Variants in MYO10 observed in about 807,000 individuals in gnomAD.
The protein encoded by MYO10 is unconventional myosin-X.
A neutral mutation model predicts 257.3 loss-of-function variants in MYO10; 133 were observed. That is an observed-to-expected ratio of 0.52 (90% CI 0.45 to 0.60). The LOEUF is 0.60. MYO10 is among the 20% of genes least tolerant of loss of function. The pLI, the probability that MYO10 is intolerant of heterozygous loss-of-function variation, is 0.00. For missense variants in MYO10, 2,399 were observed against 2,635.7 expected (o/e 0.91, Z 1.97); for synonymous variants, 1,104 against 1,028.6 (o/e 1.07, Z -1.40).
At chr5:16,765,119 T>C (rs947211271) in intron 11 of MYO10, among the ~76,000 whole-genome samples, 1 of 152,172 alleles carries the variant, frequency 6.6e-6, no homozygotes, top group Non-Finnish European at 1.5e-5. Flanking sequence ...AAAAACATAT[T>C]AGAGGAGTGT....
At chr5:16,831,970 T>C (rs1743176192) in intron 2 of MYO10, among the ~76,000 whole-genome samples, 2 of 152,130 alleles carry the variant, frequency 1.3e-5, no homozygotes, top group South Asian at 2.1e-4. Context: ...TTGAGACAGG[T>C]CTCACTTTGT....
chr5:16,850,902 A>G (rs954860592), intron 2 of MYO10, among the ~76,000 whole-genome samples: 2 of 151,980 alleles, frequency 1.3e-5, no homozygotes, highest in African/African-American at 4.8e-5. Context: ...CCCGGGTTCA[A>G]GCAATTCTCC....
Position 16,673,734 on chromosome 5 carries a change from T to A in MYO10, c.5120A>T (p.His1707Leu). The A allele has an allele frequency of 1.2e-6, 2 of 1,613,952 alleles. No homozygotes were observed. The highest frequency in any genetic ancestry group is 1.7e-6 in the Non-Finnish European group (2 of 1,179,896). The change falls in exon 36 of 41, where the codon CAT becomes CTT. Residue 1707 changes from histidine to leucine, a missense_variant. Around this residue, in one of 3 missense-constraint regions of MYO10, gnomAD observed 1,820 missense variants for 1,939.4 expected, o/e 0.94. Coordinates refer to ENST00000513610, the MANE Select transcript of MYO10 (RefSeq NM_012334.3). ...RQEMTSTVYCHGGGSCKITIN... is the reference protein window; with the variant it reads ...RQEMTSTVYCLGGGSCKITIN... Reference sequence around the variant, plus strand: ...GGTGATCTTGCAGGAGCCGCCGCCATGGCAATAGACCGTGGATGTCATTTC... The same window carrying A: ...GGTGATCTTGCAGGAGCCGCCGCCAAGGCAATAGACCGTGGATGTCATTTC...
chr5:16,693,843 C>T (rs1169881339), intron 27 of MYO10, among the ~76,000 whole-genome samples: 2 of 152,118 alleles, frequency 1.3e-5, no homozygotes, highest in Non-Finnish European at 2.9e-5. Flanking sequence ...AAGGGTGTGG[C>T]AGAAAAGGGG....
intron 2 of MYO10, among the ~76,000 whole-genome samples, chr5:16,876,965 C>T (rs1401443783): frequency 6.6e-6 from 1 of 152,138 alleles, no homozygotes; most frequent in African/African-American, 2.4e-5. Context: ...GTGCAGCCTT[C>T]ATGAATGGGA....
At chr5:16,790,930 T>C (rs1028077702) in intron 4 of MYO10, among the ~76,000 whole-genome samples, 3 of 147,236 alleles carry the variant, frequency 2.0e-5, no homozygotes, top group Admixed American at 6.8e-5. Context: ...CACACACACA[T>C]ATATTCAAAA....
chr5:16,844,272 G>A (rs953408436), intron 2 of MYO10, among the ~76,000 whole-genome samples: 10 of 151,646 alleles, frequency 6.6e-5, no homozygotes, highest in African/African-American at 1.7e-4. Context: ...ATTCAGGATC[G>A]GACTCTGAGG....
chr5:16,770,036 G>A (rs1206138273), intron 9 of MYO10, among the ~76,000 whole-genome samples: 1 of 152,120 alleles, frequency 6.6e-6, no homozygotes, highest in East Asian at 1.9e-4. Flanking sequence ...CCAAAGTGCT[G>A]GGATTACAGG....
chr5:16,666,423 T>G lies in MYO10; in HGVS notation c.*269A>C. 1 of 386,224 alleles carries G rather than the reference T, an allele frequency of 2.6e-6. No individual in the cohort carries two copies. The highest frequency in any genetic ancestry group is 4.1e-5 in the East Asian group (1 of 24,398). 23.9% of individuals were successfully genotyped at this position (386,224 alleles called of 1,614,324 possible). A position where few individuals can be genotyped will look rare whatever the true frequency, so the allele number is the denominator to read the frequency against. ...ACTTCCGGCTGCTTTGGTGGCAGCG[T>G]GGTTCCTCCCCTCCTTTTTTAAGGC... On this transcript the variant is annotated 3_prime_UTR_variant, in exon 41 of 41. Coordinates refer to ENST00000513610, the MANE Select transcript of MYO10 (RefSeq NM_012334.3).
intron 17 of MYO10, among the ~76,000 whole-genome samples, chr5:16,759,786 C>A (rs1740649400): frequency 6.6e-6 from 1 of 152,062 alleles, no homozygotes; most frequent in African/African-American, 2.4e-5. Context: ...TTTTTAAACA[C>A]CCATCATTTT....
At chr5:16,759,339 C>G (rs1007888753) in intron 17 of MYO10, among the ~76,000 whole-genome samples, 1 of 152,168 alleles carries the variant, frequency 6.6e-6, no homozygotes, top group Non-Finnish European at 1.5e-5. Context: ...GAGCATCTGC[C>G]TCCCCACAAG....
At chr5:16,769,747 G>A (rs754979993) in intron 9 of MYO10, among the ~76,000 whole-genome samples, 5 of 152,100 alleles carry the variant, frequency 3.3e-5, no homozygotes, top group Non-Finnish European at 5.9e-5. Flanking sequence ...TAAACATAGT[G>A]TCCCCCTTAC....
chr5:16,917,697 A>C (rs1184950452), intron 1 of MYO10, among the ~76,000 whole-genome samples: 2 of 151,708 alleles, frequency 1.3e-5, no homozygotes, highest in Non-Finnish European at 2.9e-5. Context: ...ATCTCTACAA[A>C]AAAAAAAAGG....
chr5:16,719,195 A>G (rs1032490109), intron 19 of MYO10, among the ~76,000 whole-genome samples: 2 of 152,182 alleles, frequency 1.3e-5, no homozygotes. Context: ...CAGAAGGAAG[A>G]AACTCCGAAC....
chr5:16,718,145 C>T (rs1738965986), intron 19 of MYO10, among the ~76,000 whole-genome samples: 1 of 152,218 alleles, frequency 6.6e-6, no homozygotes, highest in South Asian at 2.1e-4. Context: ...GCCAGCCCAC[C>T]GGCGCTGTGC....
intron 1 of MYO10, among the ~76,000 whole-genome samples, chr5:16,918,216 G>C (rs1425933230): frequency 6.6e-6 from 1 of 152,152 alleles, no homozygotes; most frequent in Non-Finnish European, 1.5e-5. Context: ...GATGTGAAGA[G>C]TCCAAAAGCC....
In MYO10 at chr5:16,761,450, G is replaced by C. The variant is rs371340842; in HGVS notation, c.1739+14C>G. On this transcript the variant is annotated intron_variant, in intron 17 of 40. Transcript: ENST00000513610. ...TTGCTTGCTAAGTACTTCTCGGTGA[G>C]AAGACTGACATACCGGCTTTCTCTT... 9.6e-5 allele frequency: 153 copies of C among 1,597,096 alleles called. No individual in the cohort carries two copies. Among genetic ancestry groups the C allele is most frequent in the Non-Finnish European group, 8.9e-5 (104 of 1,165,720 alleles).
intron 2 of MYO10, among the ~76,000 whole-genome samples, chr5:16,818,888 T>C (rs758233328): frequency 6.6e-6 from 1 of 152,224 alleles, no homozygotes; most frequent in South Asian, 2.1e-4. Flanking sequence ...CTCCATTTGA[T>C]ATAAATCAGT....
chr5:16,798,208 ACCCAGTGT>A (rs761213852), intron 3 of MYO10, among the ~76,000 whole-genome samples: 16 of 152,260 alleles, frequency 1.1e-4, no homozygotes, highest in Middle Eastern at 6.8e-3. Context: ...CTTATAAATT[ACCCAGTGT>A]GTGGTATCCT....
Sources: allele counts gnomAD v4.1 joint callset (sites outside exome capture counted in the v4.1 genomes callset), GRCh38; gene constraint gnomAD v4.1.1; regional missense constraint gnomAD v4.1.1; transcripts MANE v1.5; gene names NCBI Gene and HGNC (gene_info 2026-07-23, HGNC 2026-07-21).